The following COL22A1 variants were observed in gnomAD, a reference collection of about 807,000 sequenced individuals.
The protein encoded by COL22A1 is collagen alpha-1(XXII) chain.
COL22A1 carries 221 observed loss-of-function variants against 248.9 expected under a neutral mutation model. That is an observed-to-expected ratio of 0.89 (90% CI 0.80 to 0.99). COL22A1 has a LOEUF of 0.99. COL22A1 is among the 50% of genes least tolerant of loss of function. The pLI, the probability that COL22A1 is intolerant of heterozygous loss-of-function variation, is 0.00. For missense variants in COL22A1, 2,240 were observed against 2,179.0 expected, an observed-to-expected ratio of 1.03 and a Z score of -0.56; for synonymous variants, 891 against 793.4, an observed-to-expected ratio of 1.12 and a Z score of -2.07.
chr8:138,615,355 A>G (rs1182752167), intron 55 of COL22A1, among the ~76,000 whole-genome samples: 1 of 151,896 alleles, frequency 6.6e-6, no homozygotes, highest in Non-Finnish European at 1.5e-5. Context: ...ACAAGGTGAA[A>G]CTCTGTCTCA....
intron 3 of COL22A1, among the ~76,000 whole-genome samples, chr8:138,868,224 C>G (rs1371729393): frequency 6.6e-6 from 1 of 152,130 alleles, no homozygotes; most frequent in African/African-American, 2.4e-5. Context: ...AGATTCCAAT[C>G]CCAGGCCTTC....
chr8:138,767,554 A>G (rs1397801939), intron 16 of COL22A1, among the ~76,000 whole-genome samples: 1 of 152,212 alleles, frequency 6.6e-6, no homozygotes, highest in African/African-American at 2.4e-5. Flanking sequence ...AATCAATAGG[A>G]AAGTGTAAGC....
At chr8:138,893,698 T>C (rs1378749281) in intron 1 of COL22A1, among the ~76,000 whole-genome samples, 3 of 152,378 alleles carry the variant, frequency 2.0e-5, no homozygotes, top group East Asian at 3.9e-4. Flanking sequence ...TGGGTTGATG[T>C]TGACTGCATA....
At chr8:138,897,570 T>TAAG (rs1246808567) in intron 1 of COL22A1, among the ~76,000 whole-genome samples, 2 of 151,850 alleles carry the variant, frequency 1.3e-5, no homozygotes, top group African/African-American at 4.8e-5. Context: ...ATAATAATAA[T>TAAG]AATAAGTAAC....
chr8:138,638,331 T>C (rs890099958), intron 47 of COL22A1, among the ~76,000 whole-genome samples: 2 of 152,220 alleles, frequency 1.3e-5, no homozygotes, highest in African/African-American at 2.4e-5. Context: ...TCTATGCCTG[T>C]CATCCCTTAA....
intron 47 of COL22A1, among the ~76,000 whole-genome samples, chr8:138,639,783 CAA>C (rs1465885810): frequency 6.6e-6 from 1 of 152,174 alleles, no homozygotes; most frequent in Non-Finnish European, 1.5e-5. Flanking sequence ...ATAGAATCAG[CAA>C]AGAGATAGTA....
chr8:138,614,244 C>A (rs1166314452), intron 55 of COL22A1, among the ~76,000 whole-genome samples: 1 of 152,160 alleles, frequency 6.6e-6, no homozygotes, highest in Non-Finnish European at 1.5e-5. Flanking sequence ...TCTTGAAGTT[C>A]TTTTCCTGAT....
intron 3 of COL22A1, among the ~76,000 whole-genome samples, chr8:138,848,561 A>T (rs73368814): frequency 0.014 from 2,184 of 152,280 alleles, 50 homozygotes; most frequent in African/African-American, 0.049. Context: ...TGACGCAACC[A>T]TGGTTCTGTC....
chr8:138,627,650 C>T (rs906181403), intron 50 of COL22A1, among the ~76,000 whole-genome samples: 1 of 152,176 alleles, frequency 6.6e-6, no homozygotes, highest in African/African-American at 2.4e-5. Flanking sequence ...CTAACCTCCA[C>T]TTGACCAATC....
intron 57 of COL22A1, among the ~76,000 whole-genome samples, 172 bp downstream of exon 57, chr8:138,607,764 C>T (rs1716860794): frequency 6.6e-6 from 1 of 152,158 alleles, no homozygotes; most frequent in African/African-American, 2.4e-5. Context: ...ATACTTTAAA[C>T]CTTAAAAAAT....
chr8:138,829,535 C>T (rs962494288), intron 5 of COL22A1, among the ~76,000 whole-genome samples: 2 of 151,310 alleles, frequency 1.3e-5, no homozygotes, highest in African/African-American at 4.9e-5. Flanking sequence ...TCCCAGGTAG[C>T]TGGGATTACA....
At chr8:138,691,801 TGTAC>T in intron 35 of COL22A1, among the ~76,000 whole-genome samples, 1 of 149,846 alleles carries the variant, frequency 6.7e-6, no homozygotes, top group South Asian at 2.1e-4. Flanking sequence ...GGTGTGTGTG[TGTAC>T]GTGTGTGTGC....
Position 138,795,093 on chromosome 8 carries a change from TA to T in COL22A1, c.1596+1725del, listed in dbSNP as rs35355736. 1.6e-3 allele frequency among the ~76,000 whole-genome samples: 240 copies of T among 149,316 alleles called. 1 individual carries two copies. Among genetic ancestry groups the T allele is most frequent in the East Asian group, 0.013 (68 of 5,106 alleles). ...TTACCACAATTAAATGAAACTCATT[TA>T]AAAAAAAAAGTGTAAAACAAGAAAG... On this transcript the variant is annotated intron_variant, in intron 12 of 64. Coordinates refer to ENST00000303045, the MANE Select transcript of COL22A1 (RefSeq NM_152888.3).
intron 10 of COL22A1, among the ~76,000 whole-genome samples, chr8:138,804,134 C>T (rs544318112): frequency 3.9e-5 from 6 of 152,154 alleles, no homozygotes; most frequent in East Asian, 1.9e-4. Context: ...GGACCAGGCT[C>T]TCAGTCAGTC....
At chr8:138,674,754 C>T (rs563148051) in intron 41 of COL22A1, among the ~76,000 whole-genome samples, 26 of 152,222 alleles carry the variant, frequency 1.7e-4, no homozygotes, top group Middle Eastern at 3.4e-3. Context: ...ATTCAGGTTA[C>T]GGGTCTGCAG....
chr8:138,839,731 A>T lies in COL22A1; in HGVS notation c.733+4353T>A, dbSNP rs533102858. Among the ~76,000 whole-genome samples, 21 of 152,318 alleles carry T rather than the reference A, an allele frequency of 1.4e-4. No homozygotes were observed. The South Asian group carries it at 4.4e-3, about 32-fold the overall frequency. ...ATCTGGATGGGGGGCCCAAGTGGGA[A>T]GAGAGAGACATCCAGGATGTCTGTG... On this transcript the variant is annotated intron_variant, in intron 4 of 64. Transcript: ENST00000303045.
intron 3 of COL22A1, among the ~76,000 whole-genome samples, chr8:138,867,188 G>A (rs192972645): frequency 3.3e-5 from 5 of 152,330 alleles, no homozygotes; most frequent in Non-Finnish European, 7.3e-5. Flanking sequence ...TTGTGGTCCA[G>A]TAACACAATT....
chr8:138,814,261 TCCCA>T (rs1818491992), intron 7 of COL22A1, among the ~76,000 whole-genome samples: 1 of 152,210 alleles, frequency 6.6e-6, no homozygotes, highest in East Asian at 1.9e-4. Flanking sequence ...ACGAGCAATC[TCCCA>T]GTCACCACCC....
At chr8:138,709,017 G>T (rs1262681702) in intron 30 of COL22A1, among the ~76,000 whole-genome samples, 1 of 152,162 alleles carries the variant, frequency 6.6e-6, no homozygotes, top group African/African-American at 2.4e-5. Flanking sequence ...CATTTATGCA[G>T]CCAACAGACA....
Sources: allele counts gnomAD v4.1 joint callset (sites outside exome capture counted in the v4.1 genomes callset), GRCh38; gene constraint gnomAD v4.1.1; transcripts MANE v1.5; gene names NCBI Gene and HGNC (gene_info 2026-07-23, HGNC 2026-07-21).